Variants in LYPD6B observed in about 807,000 individuals in gnomAD.
LYPD6B encodes the protein ly6/PLAUR domain-containing protein 6B.
In LYPD6B, 17 loss-of-function variants were observed where a neutral mutation model predicts 22.8. The ratio of observed to expected loss-of-function variants is 0.75; its 90% CI spans 0.51 to 1.12. LYPD6B has a LOEUF of 1.12. Among genes scored for constraint, LYPD6B ranks in the 50% most tolerant of loss-of-function variants. The probability of loss-of-function intolerance (pLI) is 0.00; values close to 1 mark genes in which losing one functional copy is unlikely to be tolerated. For missense variants in LYPD6B, 221 were observed against 258.3 expected, an observed-to-expected ratio of 0.86 and a Z score of 0.99; for synonymous variants, 106 against 91.6, an observed-to-expected ratio of 1.16 and a Z score of -0.90.
intron 1 of LYPD6B, among the ~76,000 whole-genome samples, chr2:149,044,589 C>A (rs1303094480): frequency 6.6e-6 from 1 of 151,944 alleles, no homozygotes; most frequent in Non-Finnish European, 1.5e-5. Context: ...TTCCTCCCTC[C>A]CTCCTTCTCT....
At chr2:149,063,410 C>T (rs1246259339) in intron 1 of LYPD6B, among the ~76,000 whole-genome samples, 1 of 152,124 alleles carries the variant, frequency 6.6e-6, no homozygotes, top group Non-Finnish European at 1.5e-5. Context: ...TCAAAGTCTT[C>T]CCCTAAATAG....
intron 1 of LYPD6B, among the ~76,000 whole-genome samples, chr2:149,064,600 G>A (rs545662742): frequency 3.3e-5 from 5 of 152,150 alleles, no homozygotes; most frequent in Non-Finnish European, 5.9e-5. Context: ...AGGAAATAAA[G>A]GCACTAGAGA....
At chr2:149,151,244 G>A (rs389020) in intron 2 of LYPD6B, among the ~76,000 whole-genome samples, 98,703 of 151,844 alleles carry the variant, frequency 0.65, 32,247 homozygotes, top group South Asian at 0.76. Flanking sequence ...TAGTTTCTCC[G>A]GAGAAGAATT....
chr2:149,058,381 T>A (rs773924932), intron 1 of LYPD6B, among the ~76,000 whole-genome samples: 9 of 152,252 alleles, frequency 5.9e-5, no homozygotes, highest in Non-Finnish European at 1.3e-4. Flanking sequence ...AGATCTCTTC[T>A]GATTCTTACA....
chr2:149,117,390 C>G (rs903796672), intron 1 of LYPD6B, among the ~76,000 whole-genome samples: 5 of 151,892 alleles, frequency 3.3e-5, no homozygotes, highest in Admixed American at 3.3e-4. Flanking sequence ...CGTGCCTCAG[C>G]CCCCTGAGTA....
chr2:149,102,011 C>A (rs1490245289), intron 1 of LYPD6B, among the ~76,000 whole-genome samples: 1 of 152,246 alleles, frequency 6.6e-6, no homozygotes, highest in Admixed American at 6.5e-5. Flanking sequence ...ATTAGACATA[C>A]CAGCCACAAA....
At chr2:149,191,080 CTA>C (rs1692458439) in intron 3 of LYPD6B, among the ~76,000 whole-genome samples, 1 of 152,138 alleles carries the variant, frequency 6.6e-6, no homozygotes, top group African/African-American at 2.4e-5. Context: ...TAGACCCCAG[CTA>C]CCCATCATTC....
intron 2 of LYPD6B, among the ~76,000 whole-genome samples, chr2:149,153,073 G>T (rs1689474893): frequency 6.6e-6 from 1 of 152,198 alleles, no homozygotes; most frequent in African/African-American, 2.4e-5. Context: ...ATTTTAAAAG[G>T]AGGAATCCAG....
intron 3 of LYPD6B, among the ~76,000 whole-genome samples, chr2:149,172,667 T>C (rs778099530): frequency 6.6e-6 from 1 of 152,164 alleles, no homozygotes; most frequent in Admixed American, 6.6e-5. Flanking sequence ...TCTGTGAGGA[T>C]GTTTCTAGAA....
chr2:149,163,614 T>C (rs1332268653), intron 3 of LYPD6B, among the ~76,000 whole-genome samples: 2 of 152,198 alleles, frequency 1.3e-5, no homozygotes, highest in East Asian at 3.9e-4. Flanking sequence ...TCATCATATA[T>C]TTCAGAGTAA....
intron 2 of LYPD6B, among the ~76,000 whole-genome samples, chr2:149,137,590 C>T (rs1575042789): frequency 6.6e-6 from 1 of 152,188 alleles, no homozygotes; most frequent in Non-Finnish European, 1.5e-5. Flanking sequence ...GAACCATGCT[C>T]AGCATAGCAG....
rs906944660 is a variant in LYPD6B, at chr2:149,163,230, C to T, written c.77+2395C>T. 3.3e-5 allele frequency among the ~76,000 whole-genome samples: 5 copies of T among 152,270 alleles called. No individual in the cohort carries two copies. The East Asian group carries it at 5.8e-4, about 18-fold the overall frequency. On this transcript the variant is annotated intron_variant, in intron 3 of 6. Coordinates refer to ENST00000409642, the MANE Select transcript of LYPD6B (RefSeq NM_177964.5). The stretch of plus-strand genomic sequence containing the variant: ...ATAACCTGAGGAGTTTCAATAGATG[C>T]AGCAATTTTGGTTGAGCTCAGTGGA...
intron 1 of LYPD6B, among the ~76,000 whole-genome samples, chr2:149,073,699 G>A (rs575858249): frequency 1.3e-4 from 20 of 152,172 alleles, no homozygotes; most frequent in Non-Finnish European, 2.6e-4. Context: ...GTGGGCATGG[G>A]TGCCTGCACT....
rs375607578 is a variant in LYPD6B, at chr2:149,059,260, C to T, written c.-67+20459C>T. 1.1e-4 allele frequency among the ~76,000 whole-genome samples: 17 copies of T among 152,356 alleles called. No individual in the cohort carries two copies. The South Asian group carries it at 3.5e-3, about 32-fold the overall frequency. On this transcript the variant is annotated intron_variant, in intron 1 of 6. Coordinates refer to ENST00000409642, the MANE Select transcript of LYPD6B (RefSeq NM_177964.5). ...GTCATGGGAATCTTTTCCTTTCACT[C>T]CTTAATAATGTACATTCCTGTGCCA...
chr2:149,198,782 A>C (rs1397354565), intron 3 of LYPD6B, among the ~76,000 whole-genome samples: 1 of 152,270 alleles, frequency 6.6e-6, no homozygotes, highest in East Asian at 1.9e-4. Flanking sequence ...TTGTAAGTTT[A>C]GATTATTTAA....
intron 1 of LYPD6B, among the ~76,000 whole-genome samples, chr2:149,112,087 G>A (rs1686784633): frequency 6.6e-6 from 1 of 152,196 alleles, no homozygotes; most frequent in Admixed American, 6.5e-5. Flanking sequence ...GGATTCAAGA[G>A]AGAATGGAGG....
At chr2:149,214,286 C>T (rs1475312793) in intron 6 of LYPD6B, among the ~76,000 whole-genome samples, 2 of 152,088 alleles carry the variant, frequency 1.3e-5, no homozygotes, top group African/African-American at 4.8e-5. Flanking sequence ...TTCTCTTCCT[C>T]TTTGCCTTGC....
chr2:149,192,869 A>G (rs1692582697), intron 3 of LYPD6B, among the ~76,000 whole-genome samples: 1 of 152,118 alleles, frequency 6.6e-6, no homozygotes, highest in Admixed American at 6.5e-5. Flanking sequence ...TGGTGAAGTC[A>G]ACCTCAATCA....
chr2:149,068,631 T>A, intron 1 of LYPD6B: 2 of 503,444 alleles, frequency 4.0e-6, no homozygotes, highest in Non-Finnish European at 8.1e-6. Context: ...ATTTTCCTTA[T>A]TATTATAGCT....
Sources: allele counts gnomAD v4.1 joint callset (sites outside exome capture counted in the v4.1 genomes callset), GRCh38; gene constraint gnomAD v4.1.1; transcripts MANE v1.5; gene names NCBI Gene and HGNC (gene_info 2026-07-23, HGNC 2026-07-21).